ACOXL: variants seen among roughly 807,000 people sequenced by gnomAD.
The protein encoded by ACOXL is acyl-CoA oxidase like.
A neutral mutation model predicts 71.9 loss-of-function variants in ACOXL; 70 were observed. The observed-to-expected ratio is 0.97, with a 90% CI of 0.80 to 1.19. The LOEUF is 1.19. ACOXL is among the 50% of genes most tolerant of loss of function. ACOXL has a pLI of 0.00. For synonymous variants in ACOXL, 253 were observed against 281.6 expected (o/e 0.90, Z 1.02); for missense variants, 703 against 736.3 (o/e 0.95, Z 0.52).
At chr2:110,906,680 C>T (rs2059463899) in intron 10 of ACOXL, among the ~76,000 whole-genome samples, 1 of 151,366 alleles carries the variant, frequency 6.6e-6, no homozygotes. Context: ...TTTGCTGTCA[C>T]TGTGTGGGTA....
At chr2:110,879,350 C>A (rs949286702) in intron 10 of ACOXL, among the ~76,000 whole-genome samples, 1 of 152,114 alleles carries the variant, frequency 6.6e-6, no homozygotes, top group South Asian at 2.1e-4. Flanking sequence ...GGCAGATGTC[C>A]GTGCCATGGA....
At chr2:110,867,054 A>G (rs1325930544) in intron 10 of ACOXL, among the ~76,000 whole-genome samples, 1 of 152,182 alleles carries the variant, frequency 6.6e-6, no homozygotes, top group East Asian at 1.9e-4. Flanking sequence ...CTTGAAGGAT[A>G]GACCGTGCTT....
At chr2:111,075,927 A>G (rs1350290005) in intron 16 of ACOXL, among the ~76,000 whole-genome samples, 4 of 152,124 alleles carry the variant, frequency 2.6e-5, no homozygotes, top group Non-Finnish European at 5.9e-5. Flanking sequence ...TTATAATCAG[A>G]GAAGATACCA....
At chr2:111,081,230 T>G (rs953356668) in intron 16 of ACOXL, among the ~76,000 whole-genome samples, 79 of 152,210 alleles carry the variant, frequency 5.2e-4, no homozygotes, top group African/African-American at 1.9e-3. Flanking sequence ...GAAGTCAAAT[T>G]CTCTCTGTTT....
At chr2:111,035,982 T>C (rs1034262026) in intron 15 of ACOXL, among the ~76,000 whole-genome samples, 1 of 152,262 alleles carries the variant, frequency 6.6e-6, no homozygotes. Context: ...CATTACATTA[T>C]GCAAGCTCAG....
In ACOXL at chr2:110,894,728, C is replaced by G. The variant is rs1418893867; in HGVS notation, c.789-14061C>G. Among the ~76,000 whole-genome samples, 3 of 152,170 alleles carry G rather than the reference C, an allele frequency of 2.0e-5. No individual in the cohort carries two copies. In the East Asian group the frequency reaches 5.8e-4, roughly 29 times the overall value. ...CAGTGGTGGTGTTACAGGAGGCCAA[C>G]TAGAGTTAGAACTGTCACTGCTCTT... On this transcript the variant is annotated intron_variant, in intron 10 of 17. Transcript: ENST00000439055.
intron 15 of ACOXL, among the ~76,000 whole-genome samples, chr2:111,035,108 T>C (rs964974408): frequency 7.2e-5 from 11 of 152,046 alleles, no homozygotes; most frequent in Admixed American, 3.3e-4. Flanking sequence ...CCTCGTGATC[T>C]GCCCACCTCG....
intron 16 of ACOXL, among the ~76,000 whole-genome samples, chr2:111,058,537 T>G (rs1228883164): frequency 1.3e-5 from 2 of 152,212 alleles, no homozygotes; most frequent in Non-Finnish European, 2.9e-5. Context: ...ACTGGAAACG[T>G]TAAGAGACTT....
At chr2:111,110,518 G>A (rs142088036) in intron 17 of ACOXL, among the ~76,000 whole-genome samples, 27 of 152,200 alleles carry the variant, frequency 1.8e-4, no homozygotes, top group Non-Finnish European at 2.2e-4. Context: ...GGTAAGAATC[G>A]CTAGGCCAAG....
At chr2:110,881,141 A>G (rs2149094004) in intron 10 of ACOXL, among the ~76,000 whole-genome samples, 1 of 151,852 alleles carries the variant, frequency 6.6e-6, no homozygotes, top group East Asian at 1.9e-4. Context: ...ATATATATAT[A>G]TTTATATGTA....
chr2:110,994,588 A>G (rs2063311340), intron 13 of ACOXL, among the ~76,000 whole-genome samples: 1 of 152,082 alleles, frequency 6.6e-6, no homozygotes, highest in Admixed American at 6.5e-5. Context: ...CTGGTTGTCT[A>G]GGTTATCTAA....
At chr2:111,037,914 T>C (rs1427974562) in intron 15 of ACOXL, among the ~76,000 whole-genome samples, 1 of 152,240 alleles carries the variant, frequency 6.6e-6, no homozygotes, top group East Asian at 1.9e-4. Flanking sequence ...TGTGCATTTA[T>C]TTATGGTAAA....
chr2:111,027,889 T>C (rs1288867807), intron 14 of ACOXL, among the ~76,000 whole-genome samples: 2 of 152,114 alleles, frequency 1.3e-5, no homozygotes, highest in Non-Finnish European at 2.9e-5. Flanking sequence ...AACAGCTTTA[T>C]TATATATTTC....
At chr2:110,849,238 C>G (rs751287830) in intron 10 of ACOXL, among the ~76,000 whole-genome samples, 19 of 152,222 alleles carry the variant, frequency 1.2e-4, no homozygotes, top group Non-Finnish European at 2.6e-4. Flanking sequence ...CCTCTATGTC[C>G]TTACAGCCAA....
chr2:110,750,752 A>G (rs1678835627), intron 1 of ACOXL, among the ~76,000 whole-genome samples: 1 of 151,510 alleles, frequency 6.6e-6, no homozygotes, highest in Non-Finnish European at 1.5e-5. Flanking sequence ...GCTGGAGTGC[A>G]GTGGCACAAT....
Position 111,010,844 on chromosome 2 carries a change from G to A in ACOXL, c.1281+14840G>A, listed in dbSNP as rs78928157. Reference sequence around the variant, plus strand: ...TCTACCTTGAGCTCTGAATCCAGTCGTGTGTGCATATGTGTATGTATTAAA... The same window carrying A: ...TCTACCTTGAGCTCTGAATCCAGTCATGTGTGCATATGTGTATGTATTAAA... On this transcript the variant is annotated intron_variant, in intron 14 of 17. Coordinates refer to ENST00000439055, the MANE Select transcript of ACOXL (RefSeq NM_001142807.4). Among the ~76,000 whole-genome samples the A allele has an allele frequency of 1.5e-3, 236 of 152,274 alleles. 1 individual carries two copies. The highest frequency in any genetic ancestry group is 5.5e-3 in the African/African-American group (227 of 41,564).
At chr2:110,908,676 G>A in intron 10 of ACOXL, 113 bp from the exon 11 acceptor site, 1 of 788,490 alleles carries the variant, frequency 1.3e-6, no homozygotes, top group East Asian at 2.5e-5. Context: ...TCAGATTTCT[G>A]CATTCTGGAG....
At chr2:110,740,098 T>C (rs1018241212) in intron 1 of ACOXL, among the ~76,000 whole-genome samples, 3 of 152,240 alleles carry the variant, frequency 2.0e-5, no homozygotes, top group Non-Finnish European at 2.9e-5. Context: ...ACTCAGGTCA[T>C]GTTCAGTTTG....
chr2:110,975,198 G>T (rs530504001), intron 12 of ACOXL, among the ~76,000 whole-genome samples: 1 of 152,294 alleles, frequency 6.6e-6, no homozygotes, highest in Non-Finnish European at 1.5e-5. Context: ...TTTTCCTAAG[G>T]ATAATCAGAG....
Sources: allele counts gnomAD v4.1 joint callset (sites outside exome capture counted in the v4.1 genomes callset), GRCh38; gene constraint gnomAD v4.1.1; transcripts MANE v1.5; gene names NCBI Gene and HGNC (gene_info 2026-07-23, HGNC 2026-07-21).